STXBP4: variants seen among roughly 807,000 people sequenced by gnomAD.
STXBP4 encodes the protein syntaxin binding protein 4, also known as syntaxin-binding protein 4.
A neutral mutation model predicts 76.1 loss-of-function variants in STXBP4; 55 were observed. That is an observed-to-expected ratio of 0.72 (90% CI 0.58 to 0.91). The LOEUF is 0.91. STXBP4 is among the 40% of genes least tolerant of loss of function. The pLI is 0.00. For synonymous variants in STXBP4, 201 were observed against 220.2 expected (o/e 0.91, Z 0.77); for missense variants, 618 against 636.9 (o/e 0.97, Z 0.32).
chr17:55,098,384 A>C (rs569045538), intron 16 of STXBP4, among the ~76,000 whole-genome samples: 1 of 152,314 alleles, frequency 6.6e-6, no homozygotes, highest in South Asian at 2.1e-4. Context: ...CATTTCATAC[A>C]GTCTTATATA....
chr17:54,973,687 A>T (rs571675984), intron 1 of STXBP4, among the ~76,000 whole-genome samples: 1 of 152,350 alleles, frequency 6.6e-6, no homozygotes, highest in African/African-American at 2.4e-5. Flanking sequence ...TAATACATAA[A>T]TTGTTACGAT....
rs372563489 is a variant in STXBP4, at chr17:55,043,645, AG to A, written c.945+321del. The A allele has an allele frequency of 6.1e-4, 941 of 1,549,846 alleles. 4 individuals carry two copies. The African/African-American group carries it at 0.011, about 18-fold the overall frequency. On this transcript the variant is annotated intron_variant, in intron 11 of 17. Transcript: ENST00000376352. The stretch of plus-strand genomic sequence containing the variant: ...GCAGAATTAGATGAAGAGCCAATAA[AG>A]CAAGTCGTGGCAATTTTGGATCCTG...
At chr17:55,109,593 C>G (rs1244132612) in intron 16 of STXBP4, among the ~76,000 whole-genome samples, 1 of 145,852 alleles carries the variant, frequency 6.9e-6, no homozygotes, top group African/African-American at 2.5e-5. Flanking sequence ...TTTCCTATTG[C>G]TGCTGTACCA....
chr17:55,022,780 G>GA (rs35980490), intron 8 of STXBP4, among the ~76,000 whole-genome samples: 120,218 of 151,984 alleles, frequency 0.79, 48,179 homozygotes, highest in African/African-American at 0.91. Context: ...ACTATTTTAA[G>GA]AAAAAAGAAA....
At chr17:55,097,588 G>A (rs1025883384) in intron 16 of STXBP4, among the ~76,000 whole-genome samples, 13 of 151,914 alleles carry the variant, frequency 8.6e-5, no homozygotes, top group African/African-American at 1.7e-4. Context: ...GCATGAACCC[G>A]GGAGGCGGAG....
At chr17:55,095,141 T>G (rs1051913742) in intron 16 of STXBP4, among the ~76,000 whole-genome samples, 3 of 152,194 alleles carry the variant, frequency 2.0e-5, no homozygotes, top group Non-Finnish European at 2.9e-5. Context: ...ACTACTAACA[T>G]GGTGAACAGT....
intron 8 of STXBP4, 65 bp downstream of exon 8, chr17:55,007,662 T>C: frequency 7.8e-7 from 1 of 1,286,484 alleles, no homozygotes; most frequent in Non-Finnish European, 1.1e-6. Flanking sequence ...ATTCTCCTTC[T>C]TTGAGAGGAT....
Position 55,159,893 on chromosome 17 carries a change from C to A in STXBP4, c.1644C>A (p.Leu548=). 6.2e-7 allele frequency: 1 copy of A among 1,612,360 alleles called. No individual in the cohort carries two copies. Among genetic ancestry groups the A allele is most frequent in the Non-Finnish European group, 8.5e-7 (1 of 1,178,698 alleles). ...EENEEDCSRE[L]PNQKS ...ATGAAGAGGATTGCTCTAGAGAACT[C>A]CCCAACCAGAAAAGTTGATGGTTTT... Residue 548 remains leucine (L), a synonymous_variant, in exon 18 of 18, where the codon CTC becomes CTA. Coordinates refer to ENST00000376352, the MANE Select transcript of STXBP4 (RefSeq NM_178509.6).
intron 17 of STXBP4, among the ~76,000 whole-genome samples, chr17:55,154,977 T>A (rs1466924472): frequency 6.6e-6 from 1 of 152,108 alleles, no homozygotes; most frequent in African/African-American, 2.4e-5. Flanking sequence ...TTGGATGAGA[T>A]CCTGCTAATA....
chr17:55,059,930 CTT>C (rs974139468), intron 12 of STXBP4, among the ~76,000 whole-genome samples: 21 of 152,028 alleles, frequency 1.4e-4, no homozygotes, highest in African/African-American at 5.1e-4. Context: ...ACAGTCAAGT[CTT>C]TGTAGTTTAG....
At chr17:55,033,542 A>C (rs940361549) in intron 9 of STXBP4, among the ~76,000 whole-genome samples, 1 of 152,210 alleles carries the variant, frequency 6.6e-6, no homozygotes, top group Non-Finnish European at 1.5e-5. Flanking sequence ...TTAAAAATAC[A>C]GTAGCCAAAG....
intron 17 of STXBP4, among the ~76,000 whole-genome samples, chr17:55,153,226 A>G (rs1053764281): frequency 1.3e-5 from 2 of 152,230 alleles, no homozygotes; most frequent in African/African-American, 2.4e-5. Flanking sequence ...AGTTGGCACT[A>G]TTAGAAACAA....
intron 1 of STXBP4, among the ~76,000 whole-genome samples, chr17:54,974,109 G>A (rs2077436573): frequency 6.6e-6 from 1 of 152,078 alleles, no homozygotes; most frequent in Non-Finnish European, 1.5e-5. Context: ...GTCTTAATAT[G>A]GTGGTCGTCA....
intron 8 of STXBP4, among the ~76,000 whole-genome samples, chr17:55,016,687 T>C (rs1454657711): frequency 6.6e-6 from 1 of 152,256 alleles, no homozygotes. Flanking sequence ...GAGTTCCTCC[T>C]AGGTCTGGTT....
At chr17:55,197,010 C>A in the STXBP4 span, among the ~76,000 whole-genome samples, 1 of 152,220 alleles carries the variant, frequency 6.6e-6, no homozygotes, top group African/African-American at 2.4e-5. Context: ...TAAGCCAGAT[C>A]CTTAGATCTA....
chr17:55,079,552 G>A (rs752944781), intron 15 of STXBP4, among the ~76,000 whole-genome samples: 2 of 146,584 alleles, frequency 1.4e-5, no homozygotes, highest in Non-Finnish European at 3.0e-5. Context: ...GAGCCCAGGA[G>A]TTTGAGACAA....
At chr17:55,140,660 C>T (rs780787121) in intron 16 of STXBP4, among the ~76,000 whole-genome samples, 2 of 152,092 alleles carry the variant, frequency 1.3e-5, no homozygotes, top group Admixed American at 6.6e-5. Flanking sequence ...TGCTTGCTTA[C>T]GTCAATCCAC....
chr17:55,023,904 G>A (rs2078361766), intron 8 of STXBP4, among the ~76,000 whole-genome samples: 1 of 138,024 alleles, frequency 7.2e-6, no homozygotes, highest in South Asian at 2.4e-4. Flanking sequence ...GCAAGGGCTG[G>A]TGGCCCTTTT....
chr17:55,051,787 G>A (rs2078862973), intron 12 of STXBP4, among the ~76,000 whole-genome samples: 1 of 151,984 alleles, frequency 6.6e-6, no homozygotes, highest in Non-Finnish European at 1.5e-5. Context: ...AAAGAACCCT[G>A]CGGGATGGGC....
Sources: allele counts gnomAD v4.1 joint callset (sites outside exome capture counted in the v4.1 genomes callset), GRCh38; gene constraint gnomAD v4.1.1; transcripts MANE v1.5; gene names NCBI Gene and HGNC (gene_info 2026-07-23, HGNC 2026-07-21).